Variants in PPP1R9A observed in about 807,000 individuals in gnomAD.
The protein encoded by PPP1R9A is protein phosphatase 1 regulatory subunit 9A, also known as neurabin-1.
A neutral mutation model predicts 141.9 loss-of-function variants in PPP1R9A; 59 were observed. That is an observed-to-expected ratio of 0.42 (90% CI 0.34 to 0.52). The LOEUF (loss-of-function observed/expected upper bound fraction) is 0.52, where lower values mean the gene tolerates loss of function less well. PPP1R9A is among the 20% of genes least tolerant of loss of function. PPP1R9A has a pLI of 0.10. For synonymous variants in PPP1R9A, 500 were observed against 569.7 expected (o/e 0.88, Z 1.74); for missense variants, 1,444 against 1,611.9 (o/e 0.90, Z 1.78).
chr7:94,999,358 G>T (rs889138000), intron 2 of PPP1R9A, among the ~76,000 whole-genome samples: 32 of 152,120 alleles, frequency 2.1e-4, no homozygotes, highest in Non-Finnish European at 3.8e-4. Context: ...ATGGCCTATG[G>T]TATAGAAATG....
intron 16 of PPP1R9A, among the ~76,000 whole-genome samples, chr7:95,283,039 C>CTGTGTTA (rs1804569143): frequency 1.3e-5 from 2 of 152,270 alleles, no homozygotes; most frequent in South Asian, 4.1e-4. Context: ...GAAAGGGAAT[C>CTGTGTTA]TCTGTGTTAT....
chr7:95,201,375 T>G (rs1312321334), intron 6 of PPP1R9A, among the ~76,000 whole-genome samples: 88 of 152,300 alleles, frequency 5.8e-4, no homozygotes, highest in Non-Finnish European at 7.4e-5. Context: ...TTTTTCCCTT[T>G]CTTGTATGTT....
intron 2 of PPP1R9A, among the ~76,000 whole-genome samples, chr7:95,038,159 C>G (rs1808719056): frequency 6.6e-6 from 1 of 151,466 alleles, no homozygotes; most frequent in Admixed American, 6.6e-5. Flanking sequence ...CAAGAAAAAA[C>G]TGGACAAACT....
chr7:95,141,898 G>T (rs1719031952), intron 4 of PPP1R9A, among the ~76,000 whole-genome samples: 1 of 152,156 alleles, frequency 6.6e-6, no homozygotes, highest in South Asian at 2.1e-4. Flanking sequence ...TCTAGTGGTA[G>T]AGTTTCTGGG....
intron 2 of PPP1R9A, among the ~76,000 whole-genome samples, chr7:95,024,707 C>T (rs112219706): frequency 0.013 from 1,943 of 152,090 alleles, 21 homozygotes; most frequent in Non-Finnish European, 0.017. Flanking sequence ...TACAGCACAC[C>T]GATAGGTTTT....
intron 2 of PPP1R9A, among the ~76,000 whole-genome samples, chr7:95,073,396 C>T (rs911346026): frequency 6.6e-6 from 1 of 152,074 alleles, no homozygotes; most frequent in African/African-American, 2.4e-5. Context: ...TTGGATTTGA[C>T]TCTGGTATAG....
intron 2 of PPP1R9A, among the ~76,000 whole-genome samples, chr7:94,960,306 T>G (rs190187180): frequency 3.2e-4 from 49 of 151,750 alleles, no homozygotes; most frequent in Admixed American, 1.8e-3. Context: ...CTACTGATCC[T>G]AAGTAAAACT....
intron 16 of PPP1R9A, among the ~76,000 whole-genome samples, chr7:95,275,750 C>A (rs1233777144): frequency 6.6e-6 from 1 of 152,162 alleles, no homozygotes; most frequent in Non-Finnish European, 1.5e-5. Flanking sequence ...TCTTTTTTCT[C>A]TTTTCTGACA....
At chr7:95,106,925 G>A (rs1819606173) in intron 2 of PPP1R9A, among the ~76,000 whole-genome samples, 1 of 151,768 alleles carries the variant, frequency 6.6e-6, no homozygotes, top group African/African-American at 2.4e-5. Context: ...GCCTCCCGAG[G>A]TGCACGCCAC....
rs569790053 is a variant in PPP1R9A, at chr7:95,210,700, A to G, written c.1956+6970A>G. On this transcript the variant is annotated intron_variant, in intron 7 of 19. Transcript: ENST00000433360. ...CTACTGTAAAGACACATGCACACGTATGTTTATTGCAGCACTATTCACAAT... is the reference window on the plus strand; with the variant it reads ...CTACTGTAAAGACACATGCACACGTGTGTTTATTGCAGCACTATTCACAAT... Among the ~76,000 whole-genome samples, 327 of 152,340 alleles carry G rather than the reference A, an allele frequency of 2.1e-3. 22 individuals carry two copies. Among genetic ancestry groups the G allele is most frequent in the Non-Finnish European group, 1.8e-3 (125 of 68,030 alleles).
chr7:95,125,829 G>GT (rs112342434), intron 4 of PPP1R9A, among the ~76,000 whole-genome samples: 163 of 151,662 alleles, frequency 1.1e-3, no homozygotes, highest in African/African-American at 2.4e-3. Flanking sequence ...GATTTTAATT[G>GT]TTTTTTTTCA....
chr7:95,275,314 A>G (rs576848370), intron 16 of PPP1R9A, among the ~76,000 whole-genome samples: 1 of 151,724 alleles, frequency 6.6e-6, no homozygotes, highest in African/African-American at 2.4e-5. Flanking sequence ...AGGCTGAGGC[A>G]GGAGAATTGC....
Position 95,192,504 on chromosome 7 carries a change from A to G in PPP1R9A, c.1755-5845A>G, listed in dbSNP as rs536342348. On this transcript the variant is annotated intron_variant, in intron 5 of 19. Transcript: ENST00000433360. The stretch of plus-strand genomic sequence containing the variant: ...AGTTTCAGAACAGTCTATAGGAGGT[A>G]CTTTTAAATGCATTTGGCCTTGTCT... Among the ~76,000 whole-genome samples, 7 of 152,204 alleles carry G rather than the reference A, an allele frequency of 4.6e-5. No individual in the cohort carries two copies. In the South Asian group the frequency reaches 6.2e-4, roughly 14 times the overall value.
chr7:95,276,676 C>CA (rs1463513141), intron 16 of PPP1R9A, among the ~76,000 whole-genome samples: 8 of 150,780 alleles, frequency 5.3e-5, no homozygotes, highest in South Asian at 2.1e-4. Flanking sequence ...TTGGCATACC[C>CA]AAAAAAAATA....
intron 9 of PPP1R9A, 100 bp downstream of exon 9, chr7:95,247,626 A>G: frequency 1.0e-6 from 1 of 990,332 alleles, no homozygotes; most frequent in Non-Finnish European, 1.5e-6. Flanking sequence ...TGTATATTTG[A>G]AAGAATGCAA....
intron 2 of PPP1R9A, among the ~76,000 whole-genome samples, chr7:94,998,512 T>A (rs1258178415): frequency 2.6e-5 from 4 of 152,342 alleles, no homozygotes; most frequent in African/African-American, 7.2e-5. Flanking sequence ...TGATTTTTTT[T>A]AAAAGGTCTC....
At chr7:95,014,960 G>T (rs1184375514) in intron 2 of PPP1R9A, among the ~76,000 whole-genome samples, 1 of 151,866 alleles carries the variant, frequency 6.6e-6, no homozygotes, top group Non-Finnish European at 1.5e-5. Flanking sequence ...GATGGTTTCT[G>T]TTTCCTGTTG....
rs777477904 is a variant in PPP1R9A, at chr7:94,911,046, G to A, written c.933G>A (p.Gln311=). The change falls in exon 2 of 20, where the codon CAG becomes CAA. Residue 311 remains glutamine, a synonymous_variant. Transcript: ENST00000433360. ...KEPEDSTSNQ[Q]TPDSIDKDGP... is the part of the protein sequence containing the mutation. Reference sequence around the variant, plus strand: ...CCGAGGACTCCACATCTAATCAACAGACTCCCGACAGCATTGACAAAGATG... The same window carrying A: ...CCGAGGACTCCACATCTAATCAACAAACTCCCGACAGCATTGACAAAGATG... The A allele has an allele frequency of 1.2e-6, 2 of 1,614,150 alleles. No homozygotes were observed. The highest frequency in any genetic ancestry group is 2.2e-5 in the South Asian group (2 of 91,072).
At chr7:94,998,684 G>A (rs1211033485) in intron 2 of PPP1R9A, among the ~76,000 whole-genome samples, 2 of 151,994 alleles carry the variant, frequency 1.3e-5, no homozygotes, top group African/African-American at 2.4e-5. Flanking sequence ...GGTTTATTCT[G>A]TTTTCTCACA....
Sources: allele counts gnomAD v4.1 joint callset (sites outside exome capture counted in the v4.1 genomes callset), GRCh38; gene constraint gnomAD v4.1.1; transcripts MANE v1.5; gene names NCBI Gene and HGNC (gene_info 2026-07-23, HGNC 2026-07-21).